The following OPCML variants were observed in gnomAD, a reference collection of about 807,000 sequenced individuals.
OPCML encodes the protein opioid-binding protein/cell adhesion molecule.
A neutral mutation model predicts 37.8 loss-of-function variants in OPCML; 13 were observed. That is an observed-to-expected ratio of 0.34 (90% CI 0.22 to 0.55). The LOEUF (loss-of-function observed/expected upper bound fraction) is 0.55. OPCML is among the 20% of genes least tolerant of loss of function. The pLI, the probability that OPCML is intolerant of heterozygous loss-of-function variation, is 0.91. For synonymous variants in OPCML, 176 were observed against 168.8 expected, an observed-to-expected ratio of 1.04 and a Z score of -0.33; for missense variants, 341 against 435.6, an observed-to-expected ratio of 0.78 and a Z score of 1.93.
chr11:133,052,590 G>A (rs1948151491), intron 1 of OPCML, among the ~76,000 whole-genome samples: 1 of 152,198 alleles, frequency 6.6e-6, no homozygotes, highest in South Asian at 2.1e-4. Flanking sequence ...TGCCTTTAGA[G>A]AGCAACCTCT....
intron 3 of OPCML, among the ~76,000 whole-genome samples, chr11:132,598,866 A>C (rs1591605148): frequency 6.6e-6 from 1 of 152,204 alleles, no homozygotes; most frequent in East Asian, 1.9e-4. Flanking sequence ...CCTTTTAAAA[A>C]ATATATTTGG....
intron 3 of OPCML, among the ~76,000 whole-genome samples, chr11:132,535,737 C>T (rs1467096692): frequency 6.6e-6 from 1 of 152,126 alleles, no homozygotes; most frequent in Non-Finnish European, 1.5e-5. Flanking sequence ...AGACTCTGGT[C>T]CTGGCCTCTC....
At chr11:132,687,295 G>A (rs1184703466) in intron 2 of OPCML, among the ~76,000 whole-genome samples, 1 of 145,040 alleles carries the variant, frequency 6.9e-6, no homozygotes. Flanking sequence ...CTGTTGATTT[G>A]AATGCTCTGC....
chr11:132,961,749 A>G (rs1160097105), intron 1 of OPCML, among the ~76,000 whole-genome samples: 1 of 152,156 alleles, frequency 6.6e-6, no homozygotes, highest in East Asian at 1.9e-4. Flanking sequence ...TAGCCTACAG[A>G]TCCCTGGCCA....
intron 3 of OPCML, among the ~76,000 whole-genome samples, chr11:132,558,236 TTTCTTC>T (rs576246876): frequency 6.6e-6 from 1 of 151,150 alleles, no homozygotes; most frequent in Non-Finnish European, 1.5e-5. Context: ...TCTTCCTCTT[TTTCTTC>T]TTCTTCTTCT....
intron 1 of OPCML, among the ~76,000 whole-genome samples, chr11:133,138,898 C>A (rs999830113): frequency 1.3e-5 from 2 of 152,188 alleles, no homozygotes; most frequent in Non-Finnish European, 2.9e-5. Context: ...AGTCTATTCT[C>A]CATTCATAAA....
intron 2 of OPCML, among the ~76,000 whole-genome samples, chr11:132,936,328 C>T (rs768212244): frequency 1.3e-5 from 2 of 152,152 alleles, no homozygotes; most frequent in African/African-American, 4.8e-5. Flanking sequence ...CTTCTAGGAG[C>T]AAATGCAGAC....
chr11:132,529,819 C>T (rs1167896694), intron 3 of OPCML, among the ~76,000 whole-genome samples: 1 of 152,168 alleles, frequency 6.6e-6, no homozygotes, highest in African/African-American at 2.4e-5. Flanking sequence ...ATCCTGGATC[C>T]AACCAGCAAT....
intron 1 of OPCML, among the ~76,000 whole-genome samples, chr11:133,331,827 T>G (rs1943625503): frequency 6.6e-6 from 1 of 152,194 alleles, no homozygotes; most frequent in South Asian, 2.1e-4. Context: ...GATTTACATT[T>G]ATAAAAACCT....
intron 3 of OPCML, among the ~76,000 whole-genome samples, chr11:132,629,500 C>T (rs1939962758): frequency 6.6e-6 from 1 of 152,086 alleles, no homozygotes; most frequent in African/African-American, 2.4e-5. Context: ...TTAATGATGT[C>T]CTCATTGCAT....
intron 3 of OPCML, among the ~76,000 whole-genome samples, chr11:132,573,708 T>G (rs550368443): frequency 2.7e-4 from 41 of 152,128 alleles, no homozygotes; most frequent in African/African-American, 9.4e-4. Context: ...CTGTGGTGTT[T>G]ATTTGTCTGC....
At chr11:133,061,702 C>G (rs1224994217) in intron 1 of OPCML, among the ~76,000 whole-genome samples, 1 of 152,200 alleles carries the variant, frequency 6.6e-6, no homozygotes, top group Admixed American at 6.5e-5. Context: ...ATCCTCTCAT[C>G]TTGACCACCT....
chr11:132,820,345 T>C (rs141154139), intron 2 of OPCML, among the ~76,000 whole-genome samples: 1 of 152,108 alleles, frequency 6.6e-6, no homozygotes, highest in Non-Finnish European at 1.5e-5. Context: ...ATGTAGGTAT[T>C]TGAGGTTAGA....
intron 1 of OPCML, among the ~76,000 whole-genome samples, chr11:133,500,370 C>G (rs1322734032): frequency 6.6e-6 from 1 of 152,214 alleles, no homozygotes; most frequent in African/African-American, 2.4e-5. Flanking sequence ...ACTCCTGTCA[C>G]CAAGAGAATC....
intron 2 of OPCML, among the ~76,000 whole-genome samples, chr11:132,846,541 T>C (rs188838041): frequency 1.3e-5 from 2 of 152,310 alleles, no homozygotes; most frequent in African/African-American, 2.4e-5. Context: ...GTCTAGGAAG[T>C]AGCTTTTAAC....
chr11:133,279,343 C>T (rs770340526), intron 1 of OPCML, among the ~76,000 whole-genome samples: 3 of 152,186 alleles, frequency 2.0e-5, no homozygotes, highest in Non-Finnish European at 4.4e-5. Context: ...TGATGCTGCT[C>T]TCTGAAAGCA....
At chr11:132,677,945 T>C (rs538335763) in intron 2 of OPCML, among the ~76,000 whole-genome samples, 9 of 152,230 alleles carry the variant, frequency 5.9e-5, no homozygotes, top group Non-Finnish European at 1.0e-4. Context: ...TAAAAGACAC[T>C]GTCAAAAGAA....
intron 3 of OPCML, among the ~76,000 whole-genome samples, chr11:132,548,529 A>C (rs1191771919): frequency 6.6e-6 from 1 of 152,196 alleles, no homozygotes; most frequent in East Asian, 1.9e-4. Context: ...GTTAGATAAG[A>C]CAACAAGCAG....
intron 2 of OPCML, among the ~76,000 whole-genome samples, chr11:132,726,133 T>A (rs1310085365): frequency 6.6e-6 from 1 of 152,210 alleles, no homozygotes; most frequent in African/African-American, 2.4e-5. Context: ...CATTTTTGGG[T>A]ATCTTTTCAG....
Sources: allele counts gnomAD v4.1 joint callset (sites outside exome capture counted in the v4.1 genomes callset), GRCh38; gene constraint gnomAD v4.1.1; transcripts MANE v1.5; gene names NCBI Gene and HGNC (gene_info 2026-07-23, HGNC 2026-07-21).